The following LUC7L3 variants were observed in gnomAD, a reference collection of about 807,000 sequenced individuals.
LUC7L3 encodes the protein LUC7 like 3 pre-mRNA splicing factor.
LUC7L3 carries 6 observed loss-of-function variants against 66.8 expected under a neutral mutation model. The observed-to-expected ratio is 0.09, with a 90% CI of 0.05 to 0.18. The LOEUF (loss-of-function observed/expected upper bound fraction) is 0.18. Ranked by LOEUF, LUC7L3 falls within the 10% of genes least tolerant of loss-of-function variation. The probability of loss-of-function intolerance (pLI) is 1.00; values close to 1 mark genes in which losing one functional copy is unlikely to be tolerated. For synonymous variants in LUC7L3, 160 were observed against 174.7 expected (o/e 0.92, Z 0.66); for missense variants, 341 against 531.1 (o/e 0.64, Z 3.52).
rs569394780 is a variant in LUC7L3, at chr17:50,754,461, A to C, written c.*3800A>C. 1 of 152,318 alleles carries C rather than the reference A, an allele frequency of 6.6e-6. No individual in the cohort carries two copies. The highest frequency in any genetic ancestry group is 1.9e-4 in the East Asian group (1 of 5,188). The allele number at this position is 152,318 out of a possible 1,614,324, so 9.4% of individuals were successfully genotyped here. On this transcript the variant is annotated 3_prime_UTR_variant, in exon 10 of 10. Coordinates refer to ENST00000505658, the MANE Select transcript of LUC7L3 (RefSeq NM_016424.5). ...TATCTCTAAAAGACAAAGACCTCTT[A>C]AATAACAGTTCATTAGTATAAAACA...
At chr17:50,721,385 G>GGCATACAAT (rs1416437524) in intron 1 of LUC7L3, among the ~76,000 whole-genome samples, 4 of 152,094 alleles carry the variant, frequency 2.6e-5, no homozygotes, top group Non-Finnish European at 4.4e-5. Flanking sequence ...TGTATGTGAT[G>GGCATACAAT]GGTTTATGAC....
chr17:50,732,929 G>A (rs558870739), intron 1 of LUC7L3, among the ~76,000 whole-genome samples: 3 of 152,200 alleles, frequency 2.0e-5, no homozygotes, highest in South Asian at 2.1e-4. Flanking sequence ...AAGCAACGGC[G>A]AAGATTCATT....
chr17:50,743,900 TC>T, intron 6 of LUC7L3, 90 bp downstream of exon 6: 1 of 968,076 alleles, frequency 1.0e-6, no homozygotes, highest in Non-Finnish European at 1.6e-6. Flanking sequence ...AAACTGATGT[TC>T]CAAACTTAGA....
intron 2 of LUC7L3, among the ~76,000 whole-genome samples, chr17:50,739,661 AC>A (rs201303649): frequency 6.7e-6 from 1 of 148,522 alleles, no homozygotes; most frequent in Non-Finnish European, 1.5e-5. Flanking sequence ...CTCAAAAAAA[AC>A]AAAACAACAA....
Position 50,744,765 on chromosome 17 carries a change from A to G in LUC7L3, c.645A>G (p.Lys215=). ...QSRVDDHLMG[K]QHMGYAKIKA... ...GGGTAGATGACCATTTGATGGGAAA[A>G]CAACACATGGGCTATGCCAAAATTA... The change falls in exon 7 of 10, where the codon AAA becomes AAG. Residue 215 remains lysine, a synonymous_variant. Coordinates refer to ENST00000505658, the MANE Select transcript of LUC7L3 (RefSeq NM_016424.5). 6.2e-7 allele frequency: 1 copy of G among 1,614,186 alleles called. No individual in the cohort carries two copies. Among genetic ancestry groups the G allele is most frequent in the Non-Finnish European group, 8.5e-7 (1 of 1,180,014 alleles).
At chr17:50,722,602 T>C (rs1297570939) in intron 1 of LUC7L3, 1 of 152,188 alleles carries the variant, frequency 6.6e-6, no homozygotes, top group Non-Finnish European at 1.5e-5. Context: ...TCTTAATTGG[T>C]ATTAATTTGG....
rs1436759962 is a variant in LUC7L3, at chr17:50,755,535, T to C, written c.*4874T>C. ...TTCATTGTTGTATCAGAATTTTGAA[T>C]TTACTATTTTAAAAATTCAAGAGTT... On this transcript the variant is annotated 3_prime_UTR_variant, in exon 10 of 10. Transcript: ENST00000505658. The C allele has an allele frequency of 6.6e-6, 1 of 152,180 alleles. No homozygotes were observed. The highest frequency in any genetic ancestry group is 1.5e-5 in the Non-Finnish European group (1 of 68,030). The allele number at this position is 152,180 out of a possible 1,614,324, so 9.4% of individuals were successfully genotyped here. A position where few individuals can be genotyped will look rare whatever the true frequency, so the allele number is the denominator to read the frequency against.
At chr17:50,737,318 T>A (rs967755569) in intron 2 of LUC7L3, 7 of 512,168 alleles carry the variant, frequency 1.4e-5, no homozygotes, top group South Asian at 1.1e-4. Context: ...ACATTAGAGA[T>A]GTCAGCAAAT....
chr17:50,738,486 T>A (rs1195363737), intron 2 of LUC7L3, among the ~76,000 whole-genome samples: 8 of 152,190 alleles, frequency 5.3e-5, no homozygotes, highest in Admixed American at 5.2e-4. Flanking sequence ...TTAAGAAATT[T>A]AGTATCTTCA....
At chr17:50,746,838 GAC>G in intron 9 of LUC7L3, 136 bp downstream of exon 9, 1 of 639,064 alleles carries the variant, frequency 1.6e-6, no homozygotes, top group Non-Finnish European at 2.5e-6. Context: ...TTCAGTAGGA[GAC>G]AGGCATTCTT....
intron 1 of LUC7L3, among the ~76,000 whole-genome samples, chr17:50,735,927 G>A (rs1438441119): frequency 6.6e-6 from 1 of 152,238 alleles, no homozygotes; most frequent in African/African-American, 2.4e-5. Flanking sequence ...GAGGTCAGGA[G>A]TTCGAGACCA....
chr17:50,726,749 T>C (rs929322963), intron 1 of LUC7L3, among the ~76,000 whole-genome samples: 4 of 152,178 alleles, frequency 2.6e-5, no homozygotes, highest in Non-Finnish European at 5.9e-5. Context: ...GTTATTTTTT[T>C]CCCTAAACAT....
Position 50,720,030 on chromosome 17 carries a change from A to G in LUC7L3, c.99+199A>G, listed in dbSNP as rs1968632262. 2.6e-5 allele frequency among the ~76,000 whole-genome samples: 4 copies of G among 152,238 alleles called. No individual in the cohort carries two copies. In the South Asian group the frequency reaches 8.3e-4, roughly 31 times the overall value. Reference sequence around the variant, plus strand: ...GGTGATTTGGTTTTGTTGTTCTAGTATCAAGGGGGTCCGGGAGAGCCCTTG... The same window carrying G: ...GGTGATTTGGTTTTGTTGTTCTAGTGTCAAGGGGGTCCGGGAGAGCCCTTG... On this transcript the variant is annotated intron_variant, in intron 1 of 9. Transcript: ENST00000505658.
intron 1 of LUC7L3, among the ~76,000 whole-genome samples, chr17:50,727,760 T>TG (rs1198326336): frequency 6.6e-6 from 1 of 152,152 alleles, no homozygotes; most frequent in African/African-American, 2.4e-5. Flanking sequence ...GTAGTGTGTA[T>TG]GTTTTTGTTG....
chr17:50,735,905 G>A (rs1446758536), intron 1 of LUC7L3, among the ~76,000 whole-genome samples: 2 of 152,184 alleles, frequency 1.3e-5, no homozygotes, highest in African/African-American at 4.8e-5. Context: ...GGCCAAGACG[G>A]GCAAATCACT....
At chr17:50,739,664 A>C (rs754721016) in intron 2 of LUC7L3, among the ~76,000 whole-genome samples, 1 of 152,070 alleles carries the variant, frequency 6.6e-6, no homozygotes, top group African/African-American at 2.4e-5. Context: ...AAAAAAAACA[A>C]AACAACAACA....
chr17:50,749,573 T>A (rs926376686), intron 9 of LUC7L3, among the ~76,000 whole-genome samples: 1 of 152,266 alleles, frequency 6.6e-6, no homozygotes, highest in African/African-American at 2.4e-5. Context: ...TACGTCTTCA[T>A]AACTGTGCAG....
At chr17:50,721,199 T>C (rs1049897410) in intron 1 of LUC7L3, among the ~76,000 whole-genome samples, 3 of 152,150 alleles carry the variant, frequency 2.0e-5, no homozygotes, top group Admixed American at 2.0e-4. Context: ...ACCAAAACAT[T>C]ATGGCGATTT....
chr17:50,741,192 G>A lies in LUC7L3; in HGVS notation c.297G>A (p.Arg99=), dbSNP rs770465649. 6.2e-7 allele frequency: 1 copy of A among 1,614,166 alleles called. No homozygotes were observed. Among genetic ancestry groups the A allele is most frequent in the East Asian group, 2.2e-5 (1 of 44,884 alleles). The part of the protein sequence containing the change: ...LQSLLAEVER[R]IRRGHARLAL... Reference sequence around the variant, plus strand: ...GCTTACTTGCAGAAGTAGAACGTAGGATCAGACGAGGCCATGCTCGTTTGG... The same window carrying A: ...GCTTACTTGCAGAAGTAGAACGTAGAATCAGACGAGGCCATGCTCGTTTGG... The change falls in exon 4 of 10, where the codon AGG becomes AGA. Residue 99 remains arginine, a synonymous_variant. Transcript: ENST00000505658.
Sources: gnomAD v4.1 joint callset for allele counts (sites outside exome capture counted in the v4.1 genomes callset) on GRCh38, gnomAD v4.1.1 for gene constraint, MANE v1.5 for transcripts, NCBI Gene and HGNC (gene_info 2026-07-23, HGNC 2026-07-21) for gene names.